KCTD16: variants seen among roughly 807,000 people sequenced by gnomAD.
KCTD16 encodes potassium channel tetramerization domain containing 16, also known as BTB/POZ domain-containing protein KCTD16.
A neutral mutation model predicts 33.2 loss-of-function variants in KCTD16; 13 were observed. The observed-to-expected ratio is 0.39, with a 90% CI of 0.25 to 0.62. The LOEUF (loss-of-function observed/expected upper bound fraction) is 0.62, where lower values mean the gene tolerates loss of function less well. Ranked by LOEUF, KCTD16 falls within the 20% of genes least tolerant of loss-of-function variation. The pLI, the probability that KCTD16 is intolerant of heterozygous loss-of-function variation, is 0.50. For missense variants in KCTD16, 441 were observed against 525.1 expected (o/e 0.84, Z 1.57); for synonymous variants, 197 against 195.3 (o/e 1.01, Z -0.07).
At chr5:144,191,558 T>C (rs1013889628) in intron 2 of KCTD16, among the ~76,000 whole-genome samples, 4 of 152,182 alleles carry the variant, frequency 2.6e-5, no homozygotes, top group Non-Finnish European at 4.4e-5. Context: ...AGCAACTCTG[T>C]CTAGTCATGA....
chr5:144,344,340 A>G (rs1752726002), intron 3 of KCTD16, among the ~76,000 whole-genome samples: 1 of 146,432 alleles, frequency 6.8e-6, no homozygotes. Context: ...AATGGCAACA[A>G]AAGCCAAAAT....
At chr5:144,453,804 T>C (rs1291128729) in intron 3 of KCTD16, among the ~76,000 whole-genome samples, 1 of 152,122 alleles carries the variant, frequency 6.6e-6, no homozygotes, top group East Asian at 1.9e-4. Flanking sequence ...TCGTATCTTA[T>C]AGTAGCTACC....
At position 144,478,782 on chromosome 5, in the gene KCTD16, C is replaced by T. The variant is rs764321806; in HGVS notation, c.*4668C>T. 9.9e-5 allele frequency: 15 copies of T among 151,962 alleles called. No homozygotes were observed. The highest frequency in any genetic ancestry group is 1.6e-4 in the Non-Finnish European group (11 of 67,954). The allele number at this position is 151,962 out of a possible 1,614,324, so 9.4% of individuals were successfully genotyped here. A position where few individuals can be genotyped will look rare whatever the true frequency, so the allele number is the denominator to read the frequency against. The stretch of plus-strand genomic sequence containing the variant: ...CCCACTACAAATAAGTCAAAGCATG[C>T]ATTATTCATTATCTTAAGAGAAAAC... On this transcript the variant is annotated 3_prime_UTR_variant, in exon 4 of 4. Coordinates refer to ENST00000512467, the MANE Select transcript of KCTD16 (RefSeq NM_020768.4).
chr5:144,275,396 T>A (rs1755411226), intron 3 of KCTD16, among the ~76,000 whole-genome samples: 1 of 152,190 alleles, frequency 6.6e-6, no homozygotes, highest in South Asian at 2.1e-4. Context: ...TCATGTTGCC[T>A]GAACAGATAC....
chr5:144,391,448 G>A (rs1449173350), intron 3 of KCTD16, among the ~76,000 whole-genome samples: 3 of 152,326 alleles, frequency 2.0e-5, no homozygotes, highest in Admixed American at 1.3e-4. Flanking sequence ...TGGCCCAGGT[G>A]TTGTATTAAT....
intron 3 of KCTD16, among the ~76,000 whole-genome samples, chr5:144,234,882 A>G (rs1754206108): frequency 6.6e-6 from 1 of 152,202 alleles, no homozygotes; most frequent in East Asian, 1.9e-4. Flanking sequence ...ATCAAAAATG[A>G]GTTGCTGAGA....
chr5:144,278,191 CTTTA>C (rs1216028011), intron 3 of KCTD16, among the ~76,000 whole-genome samples: 1 of 151,924 alleles, frequency 6.6e-6, no homozygotes, highest in Non-Finnish European at 1.5e-5. Context: ...TTTAAGTTCA[CTTTA>C]TTTAATGTGT....
intron 3 of KCTD16, among the ~76,000 whole-genome samples, chr5:144,317,072 C>T (rs757355082): frequency 2.0e-5 from 3 of 151,640 alleles, no homozygotes; most frequent in East Asian, 1.9e-4. Context: ...GTGATCTGCC[C>T]GCCTCAGCCT....
At chr5:144,282,324 A>G (rs539482495) in intron 3 of KCTD16, among the ~76,000 whole-genome samples, 1 of 152,294 alleles carries the variant, frequency 6.6e-6, no homozygotes, top group South Asian at 2.1e-4. Flanking sequence ...CAGAGAGGGC[A>G]TAAAACTTCA....
intron 3 of KCTD16, among the ~76,000 whole-genome samples, chr5:144,313,748 G>T (rs990045197): frequency 6.6e-6 from 1 of 152,054 alleles, no homozygotes; most frequent in African/African-American, 2.4e-5. Flanking sequence ...ATATACATGG[G>T]TAGTCAATCT....
chr5:144,374,412 C>T (rs144222595), intron 3 of KCTD16, among the ~76,000 whole-genome samples: 11 of 152,060 alleles, frequency 7.2e-5, no homozygotes, highest in South Asian at 4.2e-4. Flanking sequence ...TAGGGGAAGG[C>T]GACAGTGAGG....
At chr5:144,259,468 C>T (rs9324945) in intron 3 of KCTD16, among the ~76,000 whole-genome samples, 32,550 of 151,984 alleles carry the variant, frequency 0.21, 3,958 homozygotes, top group Non-Finnish European at 0.28. Flanking sequence ...AAAACAATTA[C>T]AGAACCAGTA....
intron 3 of KCTD16, among the ~76,000 whole-genome samples, chr5:144,455,058 T>C (rs964066349): frequency 6.6e-6 from 1 of 152,064 alleles, no homozygotes; most frequent in Non-Finnish European, 1.5e-5. Context: ...CAAGCTTTGG[T>C]GCTTGAGAAA....
rs549443303 is a variant in KCTD16 at position 144,448,571 on chromosome 5, C to CT, written c.833-25087dup. 4.6e-5 allele frequency among the ~76,000 whole-genome samples: 7 copies of CT among 152,154 alleles called. No homozygotes were observed. The South Asian group carries it at 1.5e-3, about 32-fold the overall frequency. On this transcript the variant is annotated intron_variant, in intron 3 of 3. Transcript: ENST00000512467. ...ATTAGACCTGCCACTTTAAAATATG[C>CT]TTGGCTTGGTTCTGGTATTGCGAGG...
chr5:144,182,951 G>T lies in KCTD16; in HGVS notation c.-327+8479G>T, dbSNP rs550929438. On this transcript the variant is annotated intron_variant, in intron 2 of 3. Coordinates refer to ENST00000512467, the MANE Select transcript of KCTD16 (RefSeq NM_020768.4). ...ACATACACAGAGTATCTTGTGAGATGATGGATATGTTAAGTTGCTTACTTG... is the reference window on the plus strand; with the variant it reads ...ACATACACAGAGTATCTTGTGAGATTATGGATATGTTAAGTTGCTTACTTG... Among the ~76,000 whole-genome samples, 4 of 152,060 alleles carry T rather than the reference G, an allele frequency of 2.6e-5. No homozygotes were observed. In the South Asian group the frequency reaches 8.3e-4, roughly 32 times the overall value.
At chr5:144,381,584 C>T (rs1752216317) in intron 3 of KCTD16, among the ~76,000 whole-genome samples, 1 of 151,926 alleles carries the variant, frequency 6.6e-6, no homozygotes, top group African/African-American at 2.4e-5. Context: ...AAAGCAGAAG[C>T]AAGTGAGAAA....
intron 2 of KCTD16, 36 bp downstream of exon 2, chr5:144,174,508 A>G (rs576046520): frequency 2.0e-5 from 3 of 152,340 alleles, no homozygotes; most frequent in Non-Finnish European, 4.4e-5. Flanking sequence ...CTCCCTATAT[A>G]TTAACTATGT....
intron 3 of KCTD16, among the ~76,000 whole-genome samples, chr5:144,237,972 T>G (rs1754299228): frequency 6.6e-6 from 1 of 152,218 alleles, no homozygotes; most frequent in Non-Finnish European, 1.5e-5. Context: ...CACAACCTCC[T>G]GGAACCACTC....
intron 3 of KCTD16, among the ~76,000 whole-genome samples, chr5:144,389,736 G>A (rs1002064880): frequency 6.6e-6 from 1 of 152,142 alleles, no homozygotes. Flanking sequence ...GACAGCTGAT[G>A]TAAGGAACGG....
Sources: gnomAD v4.1 joint callset for allele counts (sites outside exome capture counted in the v4.1 genomes callset) on GRCh38, gnomAD v4.1.1 for gene constraint, MANE v1.5 for transcripts, NCBI Gene and HGNC (gene_info 2026-07-23, HGNC 2026-07-21) for gene names.